Variants in CCDC149 observed in about 807,000 individuals in gnomAD.
The protein encoded by CCDC149 is coiled-coil domain containing 149, also known as coiled-coil domain-containing protein 149.
A neutral mutation model predicts 59.9 loss-of-function variants in CCDC149; 45 were observed. The observed-to-expected ratio is 0.75, with a 90% CI of 0.59 to 0.96. The LOEUF is 0.96. Ranked by LOEUF, CCDC149 falls within the 40% of genes least tolerant of loss-of-function variation. The probability of loss-of-function intolerance (pLI) is 0.00; values close to 1 mark genes in which losing one functional copy is unlikely to be tolerated. For missense variants in CCDC149, 584 were observed against 664.7 expected (o/e 0.88, Z 1.33); for synonymous variants, 245 against 260.6 (o/e 0.94, Z 0.58).
upstream of CCDC149, among the ~76,000 whole-genome samples, chr4:24,913,229 C>T (rs1293227191): frequency 2.6e-5 from 4 of 152,262 alleles, no homozygotes; most frequent in East Asian, 7.8e-4. Flanking sequence ...CCCCTCAGCG[C>T]TCTCCGCGCG....
At chr4:24,916,203 T>C (rs1216351119), upstream of CCDC149, among the ~76,000 whole-genome samples, 1 of 152,202 alleles carries the variant, frequency 6.6e-6, no homozygotes, top group Non-Finnish European at 1.5e-5. Flanking sequence ...TTTCCATATA[T>C]ATTCATAGCC....
chr4:24,943,988 G>A (rs1203164581), intron 1 of CCDC149, among the ~76,000 whole-genome samples: 2 of 152,216 alleles, frequency 1.3e-5, no homozygotes, highest in African/African-American at 2.4e-5. Context: ...GGAAGTCAGT[G>A]TGGCGATTCC....
At chr4:24,934,803 TAAG>T (rs778385030) in intron 1 of CCDC149, among the ~76,000 whole-genome samples, 10 of 152,110 alleles carry the variant, frequency 6.6e-5, no homozygotes, top group Non-Finnish European at 1.5e-4. Flanking sequence ...TGAGGATTAA[TAAG>T]AAGGTCAAAG....
chr4:24,911,736 A>T (rs1264264049), intron 1 of CCDC149, among the ~76,000 whole-genome samples: 1 of 152,164 alleles, frequency 6.6e-6, no homozygotes, highest in Non-Finnish European at 1.5e-5. Context: ...TCAGAAACAC[A>T]ACGCTCTGCA....
At position 24,931,832 on chromosome 4, in the gene CCDC149, T is replaced by TATATATGTATATATATATATATATAC. The variant is rs1236852329; in HGVS notation, c.-64-36715_-64-36714insGTATATATATATATATATACATATAT. ...CCTTATATTGTATGGAGAGTATGTA[T>TATATATGTATATATATATATATATAC]ATATATATATATATATATATGCATA... On this transcript the variant is annotated intron_variant, in intron 1 of 12. Coordinates refer to the CCDC149 transcript ENST00000389609. Among the ~76,000 whole-genome samples, 13 of 100,886 alleles carry TATATATGTATATATATATATATATAC rather than the reference T, an allele frequency of 1.3e-4. 1 individual carries two copies. Among genetic ancestry groups the TATATATGTATATATATATATATATAC allele is most frequent in the Non-Finnish European group, 6.4e-5 (3 of 46,628 alleles). The allele number at this position is 100,886 out of a possible 152,430, so 66.2% of individuals were successfully genotyped here.
intron 4 of CCDC149, among the ~76,000 whole-genome samples, chr4:24,851,651 G>A (rs1717664881): frequency 6.6e-6 from 1 of 152,138 alleles, no homozygotes; most frequent in African/African-American, 2.4e-5. Context: ...TCTTAAATAT[G>A]TTTCAGTATT....
At chr4:24,860,365 C>T (rs899413441) in intron 3 of CCDC149, among the ~76,000 whole-genome samples, 7 of 152,234 alleles carry the variant, frequency 4.6e-5, no homozygotes, top group Middle Eastern at 3.4e-3. Context: ...ATTCAACAAA[C>T]GGTGCTGTGA....
At chr4:24,948,454 T>C (rs1268479660) in intron 1 of CCDC149, among the ~76,000 whole-genome samples, 3 of 152,234 alleles carry the variant, frequency 2.0e-5, no homozygotes, top group African/African-American at 7.2e-5. Context: ...TGCAGACCCA[T>C]GCTCCAGCAT....
In CCDC149 at chr4:24,931,331, A is replaced by ATATATATCTCTC. The variant is rs1394185015; in HGVS notation, c.-64-36214_-64-36213insGAGAGATATATA. 1.4e-4 allele frequency among the ~76,000 whole-genome samples: 20 copies of ATATATATCTCTC among 147,524 alleles called. 1 individual carries two copies. The highest frequency in any genetic ancestry group is 4.5e-4 in the African/African-American group (18 of 39,872). On this transcript the variant is annotated intron_variant, in intron 1 of 12. Transcript: ENST00000389609. ...TTAAAATATATATATATATATATAT[A>ATATATATCTCTC]TCTCAGTACAGGCAAGGCTATGCCA... is the stretch of plus-strand genomic sequence containing the variant.
Position 24,952,160 on chromosome 4 carries a change from G to A in CCDC149, c.-65+27909C>T, listed in dbSNP as rs184781761. ...CCTCTGGAAGCATGGTGAAGCATAC[G>A]TGTACACATCTGTGTGCAGTGTGTG... On this transcript the variant is annotated intron_variant, in intron 1 of 12. Transcript: ENST00000389609. Among the ~76,000 whole-genome samples, 192 of 152,282 alleles carry A rather than the reference G, an allele frequency of 1.3e-3. 1 individual carries two copies. Among genetic ancestry groups the A allele is most frequent in the African/African-American group, 4.0e-3 (168 of 41,566 alleles).
intron 9 of CCDC149, chr4:24,829,896 G>A (rs932659111): frequency 6.6e-6 from 1 of 152,380 alleles, no homozygotes; most frequent in East Asian, 1.9e-4. Flanking sequence ...TTCCAGGCTG[G>A]GTGGTATTTT....
At chr4:24,804,542 G>A (rs145411207), downstream of CCDC149, among the ~76,000 whole-genome samples, 42 of 151,852 alleles carry the variant, frequency 2.8e-4, 1 homozygote, top group East Asian at 5.2e-3. Context: ...ACAAGGCTGT[G>A]GGAAAACAAC....
downstream of CCDC149, among the ~76,000 whole-genome samples, chr4:24,805,649 A>C (rs1453526245): frequency 6.6e-6 from 1 of 152,210 alleles, no homozygotes; most frequent in Non-Finnish European, 1.5e-5. Context: ...CTTGCTAAGA[A>C]ATGGTTAAGA....
intron 1 of CCDC149, among the ~76,000 whole-genome samples, chr4:24,886,050 A>G (rs1720158632): frequency 6.6e-6 from 1 of 152,216 alleles, no homozygotes; most frequent in South Asian, 2.1e-4. Flanking sequence ...TTTACAGAGA[A>G]GGACATAGAA....
chr4:24,907,405 G>A (rs1437289693), intron 1 of CCDC149, among the ~76,000 whole-genome samples: 1 of 152,126 alleles, frequency 6.6e-6, no homozygotes, highest in East Asian at 1.9e-4. Flanking sequence ...CACAGTCCAC[G>A]TGTCATGCAG....
intron 10 of CCDC149, 57 bp downstream of exon 10, chr4:24,822,440 T>C: frequency 4.1e-6 from 5 of 1,219,108 alleles, no homozygotes; most frequent in Admixed American, 6.1e-5. Flanking sequence ...GGGAGCTTCA[T>C]TTCTTAAAAA....
chr4:24,825,655 C>G (rs1399929022), intron 9 of CCDC149, among the ~76,000 whole-genome samples: 1 of 152,000 alleles, frequency 6.6e-6, no homozygotes, highest in East Asian at 2.0e-4. Context: ...CGCCTGTAGT[C>G]CCAGCTACTC....
At chr4:24,833,087 G>C (rs1716262236) in intron 8 of CCDC149, among the ~76,000 whole-genome samples, 1 of 151,702 alleles carries the variant, frequency 6.6e-6, no homozygotes, top group Admixed American at 6.6e-5. Flanking sequence ...CTTCAAGTCT[G>C]CTTTGGGTTT....
intron 1 of CCDC149, among the ~76,000 whole-genome samples, chr4:24,968,023 T>C (rs1459611177): frequency 1.3e-5 from 2 of 152,186 alleles, no homozygotes; most frequent in Non-Finnish European, 1.5e-5. Context: ...AACCACTGTA[T>C]TGGTTAACAA....
Sources: allele counts gnomAD v4.1 joint callset (sites outside exome capture counted in the v4.1 genomes callset), GRCh38; gene constraint gnomAD v4.1.1; transcripts MANE v1.5; gene names NCBI Gene and HGNC (gene_info 2026-07-23, HGNC 2026-07-21).